Variants in WBP2NL observed in about 807,000 individuals in gnomAD.
WBP2NL encodes postacrosomal sheath WW domain-binding protein.
In WBP2NL, 27 loss-of-function variants were observed where a neutral mutation model predicts 23.3. The ratio of observed to expected loss-of-function variants is 1.16; its 90% CI spans 0.85 to 1.60. WBP2NL has a LOEUF of 1.60. Among genes scored for constraint, WBP2NL ranks in the 40% most tolerant of loss-of-function variants. The pLI, the probability that WBP2NL is intolerant of heterozygous loss-of-function variation, is 0.00. For synonymous variants in WBP2NL, 151 were observed against 145.9 expected, an observed-to-expected ratio of 1.03 and a Z score of -0.25; for missense variants, 370 against 389.5, an observed-to-expected ratio of 0.95 and a Z score of 0.42.
At chr22:42,029,291 T>A (rs1924767757), downstream of WBP2NL, among the ~76,000 whole-genome samples, 1 of 107,582 alleles carries the variant, frequency 9.3e-6, no homozygotes, top group East Asian at 2.5e-4. Context: ...ACCCTGTGTC[T>A]AGGAAAAAAA....
intron 8 of WBP2NL, among the ~76,000 whole-genome samples, chr22:42,041,728 T>C (rs2146816903): frequency 6.6e-6 from 1 of 152,308 alleles, no homozygotes; most frequent in Admixed American, 6.5e-5. Flanking sequence ...ATGGGTAAAT[T>C]GGGCACCACC....
At chr22:42,051,953 A>G (rs1877582956) in intron 8 of WBP2NL, among the ~76,000 whole-genome samples, 1 of 152,246 alleles carries the variant, frequency 6.6e-6, no homozygotes, top group Non-Finnish European at 1.5e-5. Flanking sequence ...GTAGAAGCAC[A>G]GAGAGATTAA....
At chr22:42,042,405 G>C (rs1476429379) in intron 8 of WBP2NL, among the ~76,000 whole-genome samples, 1 of 151,852 alleles carries the variant, frequency 6.6e-6, no homozygotes, top group Non-Finnish European at 1.5e-5. Flanking sequence ...ACCTGTTTTT[G>C]AGTCTGCAGA....
chr22:42,019,629 C>T, intron 2 of WBP2NL, 33 bp from the exon 3 acceptor site: 1 of 1,612,592 alleles, frequency 6.2e-7, no homozygotes, highest in Non-Finnish European at 8.5e-7. Flanking sequence ...ACAAATTCTG[C>T]ATTCCTTTTC....
At chr22:42,018,002 T>A (rs1441995563) in intron 1 of WBP2NL, among the ~76,000 whole-genome samples, 1 of 151,584 alleles carries the variant, frequency 6.6e-6, no homozygotes, top group African/African-American at 2.4e-5. Flanking sequence ...ATACAAAAAT[T>A]AGCCTGGCAT....
At chr22:42,039,999 C>T (rs1925342751) in intron 8 of WBP2NL, among the ~76,000 whole-genome samples, 2 of 151,888 alleles carry the variant, frequency 1.3e-5, no homozygotes, top group East Asian at 3.9e-4. Context: ...GCAACCTCCG[C>T]CTCCTGGGTT....
intron 8 of WBP2NL, among the ~76,000 whole-genome samples, chr22:42,044,360 C>T (rs929456156): frequency 3.6e-4 from 55 of 152,234 alleles, no homozygotes; most frequent in African/African-American, 1.2e-3. Context: ...CATGTGCCAC[C>T]GCGACCAGCT....
At position 42,019,739 on chromosome 22, in the gene WBP2NL, C is replaced by T. The variant is rs1482534545; in HGVS notation, c.249C>T (p.Leu83=). ...FMMPFDLMTN[L]TVEQPVFAAN... is the part of the protein sequence containing the mutation. ...TGCCATTTGATCTGATGACGAACCT[C>T]ACTGTTGAACAACCAGTATTTGCTG... The change falls in exon 3 of 6, where the codon CTC becomes CTT. Residue 83 remains leucine, a synonymous_variant. Coordinates refer to ENST00000328823, the MANE Select transcript of WBP2NL (RefSeq NM_152613.3). 1.9e-6 allele frequency: 3 copies of T among 1,614,186 alleles called. No homozygotes were observed. In the Admixed American group the frequency reaches 5.0e-5, roughly 27 times the overall value.
intron 8 of WBP2NL, among the ~76,000 whole-genome samples, chr22:42,057,902 T>TATATATATATATATATATATA (rs1328982365): frequency 5.9e-5 from 1 of 16,976 alleles, no homozygotes; most frequent in Admixed American, 1.2e-3. Context: ...TATATATATA[T>TATATATATATATATATATATA]TTTTTTTTTT....
At chr22:42,052,382 G>A (rs1440206339) in intron 8 of WBP2NL, among the ~76,000 whole-genome samples, 1 of 151,988 alleles carries the variant, frequency 6.6e-6, no homozygotes, top group Non-Finnish European at 1.5e-5. Flanking sequence ...TGGTTCCAGC[G>A]ATTCTTGTGC....
chr22:42,057,857 G>A (rs55649151), intron 8 of WBP2NL, among the ~76,000 whole-genome samples: 6 of 77,854 alleles, frequency 7.7e-5, no homozygotes, highest in African/African-American at 1.9e-4. Context: ...ACACATATAT[G>A]TGTGTGTGTA....
At chr22:42,019,826 G>T (rs1259248290) in intron 3 of WBP2NL, 23 bp downstream of exon 3, 1 of 1,608,900 alleles carries the variant, frequency 6.2e-7, no homozygotes, top group Admixed American at 1.7e-5. Context: ...TCAGAAGTGT[G>T]TATTTTTTTT....
intron 8 of WBP2NL, among the ~76,000 whole-genome samples, chr22:42,043,790 G>A (rs916112368): frequency 2.6e-5 from 4 of 151,624 alleles, no homozygotes; most frequent in African/African-American, 7.3e-5. Flanking sequence ...GCAGTGGCGC[G>A]ATCTAAGCTC....
At chr22:42,048,710 C>T (rs113469062) in intron 8 of WBP2NL, among the ~76,000 whole-genome samples, 2,258 of 147,970 alleles carry the variant, frequency 0.015, 59 homozygotes, top group African/African-American at 0.054. Context: ...GAGCCAGGAT[C>T]ACGCCACTGT....
chr22:42,049,166 A>G (rs1356497343), intron 8 of WBP2NL, among the ~76,000 whole-genome samples: 2 of 152,212 alleles, frequency 1.3e-5, no homozygotes, highest in African/African-American at 4.8e-5. Context: ...AGACAAGTAG[A>G]TTAGTGGAAC....
chr22:42,043,536 T>G (rs1250656898), intron 8 of WBP2NL, among the ~76,000 whole-genome samples: 1 of 152,122 alleles, frequency 6.6e-6, no homozygotes, highest in African/African-American at 2.4e-5. Flanking sequence ...TATGTGTGTG[T>G]GTAGCTGTGG....
chr22:42,010,260 T>G (rs564906486), intron 1 of WBP2NL, among the ~76,000 whole-genome samples: 5 of 152,354 alleles, frequency 3.3e-5, no homozygotes, highest in Admixed American at 3.3e-4. Context: ...TTAATTTTAC[T>G]TCTTCCTTCC....
intron 1 of WBP2NL, among the ~76,000 whole-genome samples, chr22:42,016,897 C>T (rs932035720): frequency 2.0e-5 from 3 of 152,182 alleles, no homozygotes; most frequent in African/African-American, 7.2e-5. Flanking sequence ...TTTCTCCTTG[C>T]CTATCAAATG....
intron 8 of WBP2NL, among the ~76,000 whole-genome samples, chr22:42,045,725 C>T (rs982741952): frequency 6.6e-6 from 1 of 152,130 alleles, no homozygotes; most frequent in African/African-American, 2.4e-5. Flanking sequence ...TAATAAACTT[C>T]CAAAAAATAA....
Sources: allele counts gnomAD v4.1 joint callset (sites outside exome capture counted in the v4.1 genomes callset), GRCh38; gene constraint gnomAD v4.1.1; transcripts MANE v1.5; gene names NCBI Gene and HGNC (gene_info 2026-07-23, HGNC 2026-07-21).